GRID2: variants seen among roughly 807,000 people sequenced by gnomAD.
GRID2 encodes glutamate ionotropic receptor delta type subunit 2.
Under a neutral mutation model 114.8 loss-of-function variants are expected in GRID2, and 33 were observed. The observed-to-expected ratio is 0.29, with a 90% CI of 0.22 to 0.38. The LOEUF is 0.38. Ranked by LOEUF, GRID2 falls within the 10% of genes least tolerant of loss-of-function variation. GRID2 has a pLI of 1.00. For missense variants in GRID2, 1,184 were observed against 1,257.7 expected (o/e 0.94, Z 0.89); for synonymous variants, 505 against 449.9 (o/e 1.12, Z -1.55).
At chr4:92,708,964 C>A (rs150251622) in intron 2 of GRID2, among the ~76,000 whole-genome samples, 1 of 152,078 alleles carries the variant, frequency 6.6e-6, no homozygotes, top group East Asian at 1.9e-4. Context: ...CTGAATTGTG[C>A]CCTCCAGGAT....
chr4:92,630,444 T>C (rs1166294333), intron 2 of GRID2, among the ~76,000 whole-genome samples: 1 of 152,184 alleles, frequency 6.6e-6, no homozygotes, highest in Non-Finnish European at 1.5e-5. Flanking sequence ...TCTCACTCTT[T>C]AGTAACTGCT....
intron 8 of GRID2, among the ~76,000 whole-genome samples, chr4:93,392,883 T>G (rs1485314237): frequency 6.6e-6 from 1 of 152,054 alleles, no homozygotes; most frequent in Non-Finnish European, 1.5e-5. Context: ...ATATATGTGA[T>G]CTTAATGAAG....
At chr4:92,596,627 C>T (rs545017980) in intron 2 of GRID2, among the ~76,000 whole-genome samples, 142 of 151,780 alleles carry the variant, frequency 9.4e-4, no homozygotes, top group Non-Finnish European at 1.8e-3. Context: ...TCTTTAGTGT[C>T]CATCATCAAT....
intron 2 of GRID2, among the ~76,000 whole-genome samples, chr4:92,810,910 G>A: frequency 6.6e-6 from 1 of 152,182 alleles, no homozygotes; most frequent in Non-Finnish European, 1.5e-5. Context: ...TCATGCCTCA[G>A]CCTCCAGATT....
intron 12 of GRID2, among the ~76,000 whole-genome samples, chr4:93,497,214 C>T (rs1017852333): frequency 1.3e-5 from 2 of 151,536 alleles, no homozygotes; most frequent in Non-Finnish European, 3.0e-5. Context: ...TGCCTATTTT[C>T]TAATTGGGTT....
rs187620550 is a variant in GRID2, at chr4:92,350,583, T to C, written c.88+45839T>C. 1.9e-4 allele frequency among the ~76,000 whole-genome samples: 29 copies of C among 152,004 alleles called. 1 individual carries two copies. In the East Asian group the frequency reaches 4.3e-3, roughly 22 times the overall value. ...GAATCTGTTACTTTTTATTTGTTTG[T>C]TGACGTTTAAAATTTCCTTCCTTCT... On this transcript the variant is annotated intron_variant, in intron 1 of 15. Coordinates refer to ENST00000282020, the MANE Select transcript of GRID2 (RefSeq NM_001510.4).
chr4:93,366,271 A>G (rs1338355913), intron 8 of GRID2, among the ~76,000 whole-genome samples: 4 of 152,162 alleles, frequency 2.6e-5, no homozygotes, highest in African/African-American at 9.7e-5. Context: ...TTTTCTCAGC[A>G]TGGAACATCC....
Position 93,250,474 on chromosome 4 carries a change from T to A in GRID2, c.1245+11984T>A, listed in dbSNP as rs189494796. ...CAAACCTGCAAGTTCTGCACATGTA[T>A]CCCAGAACTTAAAGCATAAAAAAAA... On this transcript the variant is annotated intron_variant, in intron 8 of 15. Coordinates refer to ENST00000282020, the MANE Select transcript of GRID2 (RefSeq NM_001510.4). Among the ~76,000 whole-genome samples the A allele has an allele frequency of 4.6e-5, 7 of 151,552 alleles. No homozygotes were observed. The East Asian group carries it at 1.2e-3, about 25-fold the overall frequency.
At chr4:92,788,590 C>T (rs955984133) in intron 2 of GRID2, among the ~76,000 whole-genome samples, 1 of 151,856 alleles carries the variant, frequency 6.6e-6, no homozygotes, top group Admixed American at 6.6e-5. Context: ...TCCACATCCT[C>T]ATCAATACTT....
intron 8 of GRID2, among the ~76,000 whole-genome samples, chr4:93,313,815 T>C (rs1756281725): frequency 6.6e-6 from 1 of 152,070 alleles, no homozygotes; most frequent in African/African-American, 2.4e-5. Context: ...GTTCTTGCAG[T>C]TTTCATAAGG....
chr4:93,116,874 C>G (rs1220312503), intron 4 of GRID2, among the ~76,000 whole-genome samples: 1 of 151,902 alleles, frequency 6.6e-6, no homozygotes, highest in African/African-American at 2.4e-5. Context: ...AATAAAGTGC[C>G]TTTAAATAGA....
chr4:93,599,382 G>A (rs1739445923), intron 13 of GRID2, among the ~76,000 whole-genome samples: 1 of 152,176 alleles, frequency 6.6e-6, no homozygotes, highest in African/African-American at 2.4e-5. Flanking sequence ...GTGTACTTCA[G>A]GTAAATAGAT....
At chr4:92,840,699 C>G (rs1215435429) in intron 2 of GRID2, among the ~76,000 whole-genome samples, 1 of 151,986 alleles carries the variant, frequency 6.6e-6, no homozygotes, top group Non-Finnish European at 1.5e-5. Flanking sequence ...GTCCTTCCTT[C>G]TTCTATGCTA....
At chr4:92,519,015 C>T (rs969659065) in intron 1 of GRID2, among the ~76,000 whole-genome samples, 2 of 151,752 alleles carry the variant, frequency 1.3e-5, no homozygotes, top group South Asian at 4.1e-4. Context: ...GTAAGAAAAA[C>T]AGAATTCCAG....
intron 9 of GRID2, among the ~76,000 whole-genome samples, chr4:93,421,204 A>G (rs79223752): frequency 6.6e-6 from 1 of 152,150 alleles, no homozygotes; most frequent in East Asian, 1.9e-4. Flanking sequence ...AGAAAGAATA[A>G]GAAATGTTGC....
chr4:93,436,153 G>C (rs778041358), intron 10 of GRID2, among the ~76,000 whole-genome samples: 5 of 152,064 alleles, frequency 3.3e-5, no homozygotes, highest in Non-Finnish European at 5.9e-5. Flanking sequence ...TGAGATCCAG[G>C]CTCCTTTCAT....
chr4:93,466,237 T>G (rs1225792995), intron 11 of GRID2, among the ~76,000 whole-genome samples: 1 of 152,144 alleles, frequency 6.6e-6, no homozygotes, highest in Non-Finnish European at 1.5e-5. Flanking sequence ...CCAGCTAAAA[T>G]GATGATGATG....
At chr4:93,079,805 G>T (rs1300942490) in intron 2 of GRID2, among the ~76,000 whole-genome samples, 1 of 152,046 alleles carries the variant, frequency 6.6e-6, no homozygotes, top group Admixed American at 6.6e-5. Context: ...GGCTTTAGAT[G>T]AGTGAAAAAA....
chr4:93,246,911 T>C (rs1396522421), intron 8 of GRID2, among the ~76,000 whole-genome samples: 1 of 152,186 alleles, frequency 6.6e-6, no homozygotes, highest in African/African-American at 2.4e-5. Flanking sequence ...TTTCAGCTTC[T>C]TAGGGAGCCT....
Sources: gnomAD v4.1 joint callset for allele counts (sites outside exome capture counted in the v4.1 genomes callset) on GRCh38, gnomAD v4.1.1 for gene constraint, MANE v1.5 for transcripts, NCBI Gene and HGNC (gene_info 2026-07-23, HGNC 2026-07-21) for gene names.